Variants in ZNF723 observed in about 807,000 individuals in gnomAD.
ZNF723 encodes the protein zinc finger protein 723, pseudogene.
Under a neutral mutation model 9.4 loss-of-function variants are expected in ZNF723, and 5 were observed. The ratio of observed to expected loss-of-function variants is 0.53; its 90% CI spans 0.28 to 1.12. ZNF723 has a LOEUF of 1.12. ZNF723 is among the 50% of genes most tolerant of loss of function. The pLI is 0.10. For synonymous variants in ZNF723, 158 were observed against 168.8 expected, an observed-to-expected ratio of 0.94 and a Z score of 0.49; for missense variants, 450 against 501.5, an observed-to-expected ratio of 0.90 and a Z score of 0.98.
the ZNF723 span, among the ~76,000 whole-genome samples, chr19:22,816,919 C>T: frequency 0.012 from 1,798 of 152,290 alleles, 29 homozygotes; most frequent in African/African-American, 0.041. Flanking sequence ...ACTCTCCTGC[C>T]TCACCCTTGT....
At chr19:22,844,247 T>C (rs1351564751) in intron 1 of ZNF723, among the ~76,000 whole-genome samples, 1 of 152,184 alleles carries the variant, frequency 6.6e-6, no homozygotes, top group Non-Finnish European at 1.5e-5. Flanking sequence ...TTGTTTTCTA[T>C]TCCTGCAGAT....
At chr19:22,813,394 C>T in the ZNF723 span, among the ~76,000 whole-genome samples, 2 of 152,096 alleles carry the variant, frequency 1.3e-5, no homozygotes, top group African/African-American at 2.4e-5. Context: ...CATACTCCTG[C>T]CTTTGTGCTG....
At chr19:22,820,820 T>C in the ZNF723 span, among the ~76,000 whole-genome samples, 1 of 152,128 alleles carries the variant, frequency 6.6e-6, no homozygotes, top group Non-Finnish European at 1.5e-5. Context: ...CACCCTTACA[T>C]ATGAACAGAG....
chr19:22,824,364 A>T, the ZNF723 span, among the ~76,000 whole-genome samples: 1 of 151,982 alleles, frequency 6.6e-6, no homozygotes, highest in Non-Finnish European at 1.5e-5. Flanking sequence ...CATAGTGCAG[A>T]TTGAGATATT....
intron 3 of ZNF723, among the ~76,000 whole-genome samples, chr19:22,855,255 G>A (rs8105962): frequency 0.21 from 30,284 of 144,002 alleles, 3,779 homozygotes; most frequent in African/African-American, 0.35. Flanking sequence ...TTGAGATGGA[G>A]TCTCTCTCTG....
intron 1 of ZNF723, among the ~76,000 whole-genome samples, chr19:22,833,546 C>T (rs1250750710): frequency 6.6e-6 from 1 of 152,134 alleles, no homozygotes; most frequent in Non-Finnish European, 1.5e-5. Flanking sequence ...AAGTAAAATA[C>T]TAAATTTCCA....
intron 1 of ZNF723, among the ~76,000 whole-genome samples, chr19:22,847,773 A>G (rs12983185): frequency 0.22 from 33,969 of 151,506 alleles, 4,747 homozygotes; most frequent in African/African-American, 0.4. Flanking sequence ...TTTTTTCAGA[A>G]TTAGAGAATA....
intron 1 of ZNF723, among the ~76,000 whole-genome samples, chr19:22,834,451 T>G (rs1967140742): frequency 6.6e-6 from 1 of 152,014 alleles, no homozygotes; most frequent in Non-Finnish European, 1.5e-5. Flanking sequence ...TTTGGAAACT[T>G]TATGGGGTTT....
chr19:22,851,464 G>C (rs35332070), intron 3 of ZNF723, among the ~76,000 whole-genome samples: 1 of 151,892 alleles, frequency 6.6e-6, no homozygotes, highest in Non-Finnish European at 1.5e-5. Flanking sequence ...GAGGCACCGC[G>C]CCCAGCCTAT....
the ZNF723 span, among the ~76,000 whole-genome samples, chr19:22,824,964 G>A: frequency 2.0e-5 from 3 of 152,148 alleles, no homozygotes; most frequent in African/African-American, 7.2e-5. Flanking sequence ...AGAGCAGATT[G>A]TGACTCTCAG....
chr19:22,848,102 TAA>T (rs35396612), intron 1 of ZNF723, among the ~76,000 whole-genome samples, 157 bp from the exon 2 acceptor site: 19,000 of 137,076 alleles, frequency 0.14, 1,340 homozygotes, highest in Middle Eastern at 0.22. Flanking sequence ...GACTCTGTCT[TAA>T]AAAAAAAAAA....
chr19:22,853,800 G>C (rs1335443652), intron 3 of ZNF723, among the ~76,000 whole-genome samples: 1 of 152,034 alleles, frequency 6.6e-6, no homozygotes, highest in Admixed American at 6.6e-5. Flanking sequence ...TTTTAGTAGA[G>C]ACAGGGTTTC....
chr19:22,826,358 G>C, the ZNF723 span, among the ~76,000 whole-genome samples: 8 of 152,324 alleles, frequency 5.3e-5, no homozygotes, highest in East Asian at 1.5e-3. Flanking sequence ...CAGCTAATAG[G>C]AGAGATTGTA....
chr19:22,846,344 C>T (rs948937235), intron 1 of ZNF723, among the ~76,000 whole-genome samples: 8 of 152,078 alleles, frequency 5.3e-5, no homozygotes, highest in Non-Finnish European at 8.8e-5. Context: ...AGATGACGGC[C>T]AGGTGCGGTG....
intron 3 of ZNF723, among the ~76,000 whole-genome samples, chr19:22,851,451 C>T (rs1369349033): frequency 6.6e-6 from 1 of 151,982 alleles, no homozygotes; most frequent in Non-Finnish European, 1.5e-5. Flanking sequence ...GGATTACAGG[C>T]GTGAGGCACC....
the ZNF723 span, among the ~76,000 whole-genome samples, chr19:22,815,169 C>T: frequency 1.3e-5 from 2 of 152,062 alleles, no homozygotes; most frequent in Non-Finnish European, 2.9e-5. Flanking sequence ...TTCTGTTTTT[C>T]CTGGGCCCCA....
chr19:22,832,492 G>T, intron 1 of ZNF723, 110 bp downstream of exon 1: 1 of 1,169,408 alleles, frequency 8.6e-7, no homozygotes, highest in Non-Finnish European at 1.2e-6. Context: ...CACAATCTGC[G>T]CTCGGAGTTC....
the ZNF723 span, among the ~76,000 whole-genome samples, chr19:22,815,567 C>T: frequency 2.0e-4 from 31 of 152,236 alleles, no homozygotes; most frequent in Non-Finnish European, 3.4e-4. Context: ...TTGCCAAAAA[C>T]CTACTTGATG....
At chr19:22,827,901 C>T (rs573290746), upstream of ZNF723, among the ~76,000 whole-genome samples, 154 of 152,004 alleles carry the variant, frequency 1.0e-3, 6 homozygotes, top group Middle Eastern at 0.01. Flanking sequence ...ATGGAGAAAC[C>T]CCATCTCTAC....
Sources: allele counts gnomAD v4.1 joint callset (sites outside exome capture counted in the v4.1 genomes callset), GRCh38; gene constraint gnomAD v4.1.1; transcripts MANE v1.5; gene names NCBI Gene and HGNC (gene_info 2026-07-23, HGNC 2026-07-21).